KATNAL2: variants seen among roughly 807,000 people sequenced by gnomAD.
KATNAL2 encodes the protein katanin catalytic subunit A1 like 2, also known as katanin p60 ATPase-containing subunit A-like 2.
Under a neutral mutation model 76.3 loss-of-function variants are expected in KATNAL2, and 52 were observed. That is an observed-to-expected ratio of 0.68 (90% CI 0.55 to 0.86). KATNAL2 has a LOEUF of 0.86. Ranked by LOEUF, KATNAL2 falls within the 40% of genes least tolerant of loss-of-function variation. The pLI, the probability that KATNAL2 is intolerant of heterozygous loss-of-function variation, is 0.00. For synonymous variants in KATNAL2, 243 were observed against 244.2 expected, an observed-to-expected ratio of 1.00 and a Z score of 0.05; for missense variants, 660 against 668.9, an observed-to-expected ratio of 0.99 and a Z score of 0.15.
In KATNAL2 at chr18:46,917,704, C is replaced by CCGG. The variant is rs1568952241; in HGVS notation, c.-731_-730insGGC. ...CGTGCCTTCCCTCCCCGGCGGAGGC[C>CCGG]CCTGCGGACTGCCTAGAGCTGGGTC... On this transcript the variant is annotated 5_prime_UTR_variant, in exon 1 of 18. Coordinates refer to ENST00000683218, the MANE Select transcript of KATNAL2 (RefSeq NM_001387690.1). 4.2e-5 allele frequency: 14 copies of CCGG among 337,104 alleles called. No homozygotes were observed. Among genetic ancestry groups the CCGG allele is most frequent in the Non-Finnish European group, 5.1e-5 (12 of 236,570 alleles). 20.9% of individuals were successfully genotyped at this position (337,104 alleles called of 1,614,324 possible).
rs1420435950 is a variant in KATNAL2 at position 46,920,202 on chromosome 18, T to C, written c.-510+2276T>C. On this transcript the variant is annotated intron_variant, in intron 1 of 17. Transcript: ENST00000683218. ...TGGCCTGAGTCATTAAGGACTGTTA[T>C]GTCATTCTGGCCACAGTATTAGATC... 8 of 536,470 alleles carry C rather than the reference T, an allele frequency of 1.5e-5. No individual in the cohort carries two copies. In the East Asian group the frequency reaches 2.7e-4, roughly 18 times the overall value. 33.2% of individuals were successfully genotyped at this position (536,470 alleles called of 1,614,324 possible).
At chr18:46,951,116 C>T (rs2059541768) in intron 3 of KATNAL2, among the ~76,000 whole-genome samples, 1 of 152,142 alleles carries the variant, frequency 6.6e-6, no homozygotes. Context: ...TATTTCCCTT[C>T]CCTCATTCTC....
intron 3 of KATNAL2, among the ~76,000 whole-genome samples, chr18:46,961,870 C>A (rs1402306489): frequency 6.6e-6 from 1 of 152,120 alleles, no homozygotes; most frequent in African/African-American, 2.4e-5. Flanking sequence ...TTTAGGAGGG[C>A]CTGCAACCGT....
chr18:47,093,699 T>C (rs1454103174), intron 15 of KATNAL2, among the ~76,000 whole-genome samples: 3 of 151,994 alleles, frequency 2.0e-5, no homozygotes, highest in Non-Finnish European at 4.4e-5. Flanking sequence ...TTTGTAGAGA[T>C]GGGGTCTCAC....
intron 15 of KATNAL2, among the ~76,000 whole-genome samples, chr18:47,093,021 G>A (rs1257211325): frequency 6.6e-6 from 1 of 152,110 alleles, no homozygotes; most frequent in Admixed American, 6.5e-5. Flanking sequence ...TTCTTTTAAT[G>A]TCTTACATTG....
chr18:46,920,218 G>C (rs2058459591), intron 1 of KATNAL2: 1 of 485,480 alleles, frequency 2.1e-6, no homozygotes, highest in East Asian at 6.9e-5. Context: ...TCTGGCCACA[G>C]TATTAGATCA....
rs188634428 is a variant in KATNAL2, at chr18:46,929,431, C to T, written c.-510+11505C>T. On this transcript the variant is annotated intron_variant, in intron 1 of 17. Transcript: ENST00000683218. ...CAAATTGTTGTATTTTTAGTAGAGA[C>T]GGAGTTTCACCATGTTGGCCAGGCT... 1.0e-3 allele frequency among the ~76,000 whole-genome samples: 157 copies of T among 151,848 alleles called. 1 individual carries two copies. Among genetic ancestry groups the T allele is most frequent in the African/African-American group, 3.4e-3 (140 of 41,446 alleles).
chr18:46,936,694 G>A (rs1475510021), intron 1 of KATNAL2, among the ~76,000 whole-genome samples: 4 of 152,180 alleles, frequency 2.6e-5, no homozygotes, highest in African/African-American at 9.7e-5. Context: ...ACTTATGCCT[G>A]TAATCCCAGC....
chr18:46,951,461 C>T (rs1420277449), intron 3 of KATNAL2, among the ~76,000 whole-genome samples: 1 of 143,804 alleles, frequency 7.0e-6, no homozygotes. Context: ...CTCTGAGATT[C>T]TCCTGCTGTG....
chr18:47,076,840 G>A (rs569009376), intron 14 of KATNAL2, among the ~76,000 whole-genome samples: 37 of 149,242 alleles, frequency 2.5e-4, no homozygotes, highest in African/African-American at 9.1e-4. Flanking sequence ...GAGAGAGACG[G>A]TCTTCTCTCT....
chr18:47,087,758 G>A (rs1277362450), intron 15 of KATNAL2, among the ~76,000 whole-genome samples: 1 of 151,306 alleles, frequency 6.6e-6, no homozygotes, highest in Non-Finnish European at 1.5e-5. Context: ...ACATCTGTGT[G>A]TGTGTGTGTG....
At chr18:46,918,063 G>C (rs936153116) in intron 1 of KATNAL2, 137 bp downstream of exon 1, 2 of 151,602 alleles carry the variant, frequency 1.3e-5, no homozygotes, top group African/African-American at 4.9e-5. Context: ...AGTTGGGAGA[G>C]TTAGGCGGTG....
chr18:47,069,215 C>A lies in KATNAL2; in HGVS notation c.826-5C>A. On this transcript the variant is annotated splice_polypyrimidine_tract_variant and splice_region_variant and intron_variant, in intron 11 of 17. Transcript: ENST00000683218. ...AAACCTCATCCTTGTTCCTTGTTTC[C>A]TTAGTATCCACAGCTATTTACAGGA... is the stretch of plus-strand genomic sequence containing the variant. 1 of 1,607,792 alleles carries A rather than the reference C, an allele frequency of 6.2e-7. No individual in the cohort carries two copies. The highest frequency in any genetic ancestry group is 1.1e-5 in the South Asian group (1 of 90,618).
At chr18:47,084,197 C>A (rs1403443437) in intron 15 of KATNAL2, 1 of 578,324 alleles carries the variant, frequency 1.7e-6, no homozygotes, top group East Asian at 2.9e-5. Context: ...CAACTGCTAA[C>A]AGGGATGTCT....
At chr18:47,056,919 T>G (rs2061487289) in intron 6 of KATNAL2, among the ~76,000 whole-genome samples, 1 of 152,180 alleles carries the variant, frequency 6.6e-6, no homozygotes. Flanking sequence ...TGCTTGGTTT[T>G]CATTTCATAG....
At chr18:46,934,457 T>C (rs1278669591) in intron 1 of KATNAL2, among the ~76,000 whole-genome samples, 1 of 152,222 alleles carries the variant, frequency 6.6e-6, no homozygotes, top group Non-Finnish European at 1.5e-5. Flanking sequence ...TTTTGAGAAG[T>C]GTCTGTTCAT....
intron 3 of KATNAL2, among the ~76,000 whole-genome samples, chr18:46,961,742 G>C (rs897376433): frequency 5.3e-5 from 8 of 152,264 alleles, no homozygotes; most frequent in Non-Finnish European, 1.2e-4. Flanking sequence ...TCACAGACCT[G>C]ATATTCAGGT....
chr18:46,920,194 G>T, intron 1 of KATNAL2: 1 of 569,580 alleles, frequency 1.8e-6, no homozygotes, highest in Non-Finnish European at 3.0e-6. Context: ...AGTCATTAAG[G>T]ACTGTTATGT....
At chr18:46,924,033 C>G (rs1360865574) in intron 1 of KATNAL2, among the ~76,000 whole-genome samples, 1 of 152,122 alleles carries the variant, frequency 6.6e-6, no homozygotes, top group Non-Finnish European at 1.5e-5. Flanking sequence ...GTTGCCTGTT[C>G]ACTCTGATGC....
Sources: allele counts gnomAD v4.1 joint callset (sites outside exome capture counted in the v4.1 genomes callset), GRCh38; gene constraint gnomAD v4.1.1; transcripts MANE v1.5; gene names NCBI Gene and HGNC (gene_info 2026-07-23, HGNC 2026-07-21).